ATRNL1: variants seen among roughly 807,000 people sequenced by gnomAD.
The protein encoded by ATRNL1 is attractin-like protein 1.
Under a neutral mutation model 182.7 loss-of-function variants are expected in ATRNL1, and 95 were observed. That is an observed-to-expected ratio of 0.52 (90% confidence interval 0.44 to 0.62). The LOEUF is 0.62. Among genes scored for constraint, ATRNL1 ranks in the 20% least tolerant of loss-of-function variants. The pLI is 0.00. For synonymous variants in ATRNL1, 576 were observed against 568.3 expected, an observed-to-expected ratio of 1.01 and a Z score of -0.19; for missense variants, 1,471 against 1,679.5, an observed-to-expected ratio of 0.88 and a Z score of 2.17.
chr10:115,783,301 C>T (rs917615987), intron 27 of ATRNL1, among the ~76,000 whole-genome samples: 2 of 151,828 alleles, frequency 1.3e-5, no homozygotes, highest in Admixed American at 6.6e-5. Flanking sequence ...CCAAAAAATG[C>T]TTTTAATGTT....
At chr10:115,885,881 A>G (rs1951932803) in intron 28 of ATRNL1, among the ~76,000 whole-genome samples, 1 of 152,146 alleles carries the variant, frequency 6.6e-6, no homozygotes, top group Non-Finnish European at 1.5e-5. Context: ...AATTTCTATC[A>G]TTTTACTATT....
At chr10:115,804,401 T>C (rs1203294126) in intron 27 of ATRNL1, among the ~76,000 whole-genome samples, 5 of 152,120 alleles carry the variant, frequency 3.3e-5, no homozygotes, top group Non-Finnish European at 5.9e-5. Flanking sequence ...GGTTAGGTCA[T>C]GAGGTTGGGG....
intron 18 of ATRNL1, among the ~76,000 whole-genome samples, chr10:115,319,459 G>A (rs925829678): frequency 6.6e-6 from 1 of 151,884 alleles, no homozygotes; most frequent in Non-Finnish European, 1.5e-5. Flanking sequence ...TTTTTGTCTC[G>A]ATCTGTCTAA....
intron 25 of ATRNL1, among the ~76,000 whole-genome samples, chr10:115,525,057 A>G (rs140086257): frequency 2.5e-4 from 38 of 152,236 alleles, no homozygotes; most frequent in African/African-American, 8.4e-4. Context: ...CCTTCCTTCT[A>G]TGGACTCAGT....
intron 26 of ATRNL1, among the ~76,000 whole-genome samples, chr10:115,699,120 A>T (rs1432032880): frequency 1.3e-5 from 2 of 152,186 alleles, no homozygotes; most frequent in Non-Finnish European, 2.9e-5. Context: ...GGGATTAATG[A>T]TGACTCAACC....
chr10:115,353,224 T>C (rs1252962055), intron 19 of ATRNL1, among the ~76,000 whole-genome samples: 2 of 152,214 alleles, frequency 1.3e-5, no homozygotes, highest in Non-Finnish European at 2.9e-5. Flanking sequence ...TAGTAATGTT[T>C]GCTTTATATT....
At chr10:115,825,707 G>C (rs1950415243) in intron 27 of ATRNL1, among the ~76,000 whole-genome samples, 1 of 152,078 alleles carries the variant, frequency 6.6e-6, no homozygotes, top group African/African-American at 2.4e-5. Flanking sequence ...GACTCTCTCT[G>C]GACTTCCCAA....
chr10:115,538,726 T>A (rs1012797727), intron 25 of ATRNL1, among the ~76,000 whole-genome samples: 23 of 152,316 alleles, frequency 1.5e-4, no homozygotes, highest in African/African-American at 2.4e-4. Flanking sequence ...TGCATTTTTT[T>A]AAAAACTTGA....
intron 26 of ATRNL1, among the ~76,000 whole-genome samples, chr10:115,577,610 T>TTGTGTGTATG (rs1854800252): frequency 2.2e-5 from 3 of 135,016 alleles, no homozygotes; most frequent in Non-Finnish European, 4.8e-5. Context: ...TTCTAACAGG[T>TTGTGTGTATG]TGTGTGTGTG....
At chr10:115,613,274 T>A (rs1592947856) in intron 26 of ATRNL1, among the ~76,000 whole-genome samples, 1 of 152,202 alleles carries the variant, frequency 6.6e-6, no homozygotes, top group African/African-American at 2.4e-5. Context: ...TTTGCCTATG[T>A]CTGTTGAGAT....
Position 115,435,210 on chromosome 10 carries a change from G to A in ATRNL1, c.3322+8908G>A, listed in dbSNP as rs530159943. Among the ~76,000 whole-genome samples the A allele has an allele frequency of 1.4e-4, 22 of 151,892 alleles. 1 individual carries two copies. In the East Asian group the frequency reaches 4.1e-3, roughly 28 times the overall value. The stretch of plus-strand genomic sequence containing the variant: ...TTGTTTTTGTATTTTTAGTAGAGAC[G>A]GGGTTTCACCGTGTTAGCCAGGATG... On this transcript the variant is annotated intron_variant, in intron 21 of 28. Transcript: ENST00000355044.
chr10:115,591,596 G>A (rs1855909414), intron 26 of ATRNL1, among the ~76,000 whole-genome samples: 1 of 152,088 alleles, frequency 6.6e-6, no homozygotes, highest in South Asian at 2.1e-4. Flanking sequence ...TTTTGTTCAG[G>A]AAGCTCTGAC....
chr10:115,837,144 A>G (rs1950693432), intron 27 of ATRNL1, among the ~76,000 whole-genome samples: 1 of 152,212 alleles, frequency 6.6e-6, no homozygotes, highest in Non-Finnish European at 1.5e-5. Flanking sequence ...CTAAAGCAAC[A>G]TGATGTGGTA....
intron 15 of ATRNL1, among the ~76,000 whole-genome samples, chr10:115,288,579 T>C (rs1592385488): frequency 6.6e-6 from 1 of 151,434 alleles, no homozygotes; most frequent in South Asian, 2.1e-4. Flanking sequence ...TGGAGTGCGG[T>C]GGCATGATCT....
chr10:115,359,930 T>A (rs1554943759), intron 19 of ATRNL1, among the ~76,000 whole-genome samples: 1 of 151,642 alleles, frequency 6.6e-6, no homozygotes, highest in Non-Finnish European at 1.5e-5. Flanking sequence ...ATGTGATTTT[T>A]AACATACATT....
chr10:115,557,938 G>A (rs1213819777), intron 26 of ATRNL1, among the ~76,000 whole-genome samples: 2 of 151,938 alleles, frequency 1.3e-5, no homozygotes, highest in African/African-American at 4.8e-5. Context: ...CCAAGTACTT[G>A]GGAGGCTGAG....
chr10:115,778,254 A>AATAACAAGAGCTATCTACTAG, intron 27 of ATRNL1, among the ~76,000 whole-genome samples: 2 of 152,296 alleles, frequency 1.3e-5, no homozygotes, highest in Middle Eastern at 6.8e-3. Flanking sequence ...TAAGAGTAAC[A>AATAACAAGAGCTATCTACTAG]ATAACAAGAG....
intron 27 of ATRNL1, among the ~76,000 whole-genome samples, chr10:115,843,838 A>T (rs964865787): frequency 1.3e-5 from 2 of 152,046 alleles, no homozygotes; most frequent in African/African-American, 4.8e-5. Flanking sequence ...CAGTCTTCCT[A>T]CCTATTACAG....
chr10:115,451,343 A>G (rs1847271153), intron 21 of ATRNL1, among the ~76,000 whole-genome samples: 1 of 152,204 alleles, frequency 6.6e-6, no homozygotes, highest in Non-Finnish European at 1.5e-5. Flanking sequence ...GTAGAATGGG[A>G]GAAAATATTT....
Sources: gnomAD v4.1 joint callset for allele counts (sites outside exome capture counted in the v4.1 genomes callset) on GRCh38, gnomAD v4.1.1 for gene constraint, MANE v1.5 for transcripts, NCBI Gene and HGNC (gene_info 2026-07-23, HGNC 2026-07-21) for gene names.